Variants in SCMH1 observed in about 807,000 individuals in gnomAD.
SCMH1 encodes polycomb protein SCMH1.
In SCMH1, 37 loss-of-function variants were observed where a neutral mutation model predicts 70.8. The observed-to-expected ratio is 0.52, with a 90% CI of 0.40 to 0.69. The LOEUF (loss-of-function observed/expected upper bound fraction) is 0.69. Ranked by LOEUF, SCMH1 falls within the 30% of genes least tolerant of loss-of-function variation. SCMH1 has a pLI of 0.00. For missense variants in SCMH1, 607 were observed against 827.3 expected, an observed-to-expected ratio of 0.73 and a Z score of 3.27; for synonymous variants, 292 against 307.4, an observed-to-expected ratio of 0.95 and a Z score of 0.52.
chr1:41,028,082 CCTGAGGTGGCCCGGAACCCCA>C, exon 15 of SCMH1: 1 of 1,354,670 alleles, frequency 7.4e-7, no homozygotes, highest in South Asian at 1.3e-5. Context: ...CTCTTGGAGT[CCTGAGGTGGCCCGGAACCCCA>C]CTGAGGTGCC....
intron 9 of SCMH1, among the ~76,000 whole-genome samples, chr1:41,071,053 T>C (rs1316111478): frequency 6.6e-6 from 1 of 152,190 alleles, no homozygotes; most frequent in African/African-American, 2.4e-5. Context: ...AGTTTAAGTC[T>C]GCTTTGACAT....
chr1:41,040,244 T>C (rs1460275230), intron 12 of SCMH1, among the ~76,000 whole-genome samples: 1 of 152,218 alleles, frequency 6.6e-6, no homozygotes, highest in Non-Finnish European at 1.5e-5. Flanking sequence ...TTATGGTACA[T>C]GCAGAGGTAA....
intron 1 of SCMH1, among the ~76,000 whole-genome samples, chr1:41,215,332 C>T (rs911247434): frequency 2.6e-5 from 4 of 152,134 alleles, no homozygotes; most frequent in Non-Finnish European, 5.9e-5. Flanking sequence ...TAAAATCTTT[C>T]AATGGATCCA....
chr1:41,143,261 T>C (rs1241496276), intron 5 of SCMH1, 149 bp from the exon 6 acceptor site: 4 of 630,838 alleles, frequency 6.3e-6, no homozygotes, highest in Non-Finnish European at 1.1e-5. Context: ...AAAGAAACAA[T>C]GAAAGATAAG....
At chr1:41,109,524 T>C (rs1218227044) in intron 8 of SCMH1, among the ~76,000 whole-genome samples, 1 of 152,144 alleles carries the variant, frequency 6.6e-6, no homozygotes, top group Admixed American at 6.5e-5. Context: ...TGGCCAAACT[T>C]CTGCTGTTAT....
At chr1:41,085,440 C>T (rs1414422880) in intron 8 of SCMH1, among the ~76,000 whole-genome samples, 1 of 152,162 alleles carries the variant, frequency 6.6e-6, no homozygotes, top group African/African-American at 2.4e-5. Flanking sequence ...GAGGTATTCC[C>T]ACTAAGGTCA....
At chr1:41,034,860 G>A (rs1249093831) in intron 13 of SCMH1, among the ~76,000 whole-genome samples, 1 of 152,132 alleles carries the variant, frequency 6.6e-6, no homozygotes, top group East Asian at 1.9e-4. Flanking sequence ...AGATATCTGG[G>A]TTTCTGCCCC....
At chr1:41,163,007 C>G (rs1243250366) in intron 2 of SCMH1, 1 of 152,242 alleles carries the variant, frequency 6.6e-6, no homozygotes, top group Non-Finnish European at 1.5e-5. Context: ...CTGAAATATG[C>G]CCCCTGCTTG....
chr1:41,222,677 T>C (rs868775575), intron 1 of SCMH1, among the ~76,000 whole-genome samples: 1 of 152,148 alleles, frequency 6.6e-6, no homozygotes, highest in Non-Finnish European at 1.5e-5. Context: ...GGTATTACGG[T>C]CCACCAACAA....
intron 6 of SCMH1, among the ~76,000 whole-genome samples, chr1:41,135,346 C>A (rs1643110137): frequency 6.6e-6 from 1 of 152,132 alleles, no homozygotes; most frequent in Non-Finnish European, 1.5e-5. Flanking sequence ...ATAATCCCCA[C>A]ATATGATGAT....
Position 41,143,043 on chromosome 1 carries a change from T to C in SCMH1, c.247A>G (p.Thr83Ala), listed in dbSNP as rs1324789077. The change falls in exon 6 of 15, where the codon ACA (threonine) becomes GCA (alanine). Residue 83 changes from threonine (T) to alanine (A), a missense_variant. Thr to Ala is a moderately conservative substitution (Grantham distance 58). Transcript: ENST00000337495. ...ACTACTGTGGCAATACAGGTGGATGTGGTGTTCCTGGGGTCCTGTGCTTCC... is the reference window on the plus strand; with the variant it reads ...ACTACTGTGGCAATACAGGTGGATGCGGTGTTCCTGGGGTCCTGTGCTTCC... 3 of 1,614,064 alleles carry C rather than the reference T, an allele frequency of 1.9e-6. No homozygotes were observed. The African/African-American group carries it at 4.0e-5, about 22-fold the overall frequency.
intron 12 of SCMH1, among the ~76,000 whole-genome samples, chr1:41,040,430 G>A (rs932315651): frequency 3.9e-5 from 6 of 152,118 alleles, no homozygotes; most frequent in Admixed American, 2.6e-4. Context: ...GGAAGGCATC[G>A]TCCGGAGAAA....
chr1:41,173,658 C>A (rs528582641), intron 2 of SCMH1, among the ~76,000 whole-genome samples: 1 of 152,166 alleles, frequency 6.6e-6, no homozygotes, highest in African/African-American at 2.4e-5. Flanking sequence ...GAGTTATCTG[C>A]ACTCCCATGT....
At chr1:41,028,885 T>A (rs957663639) in intron 13 of SCMH1, among the ~76,000 whole-genome samples, 159 bp from the exon 15 acceptor site, 1 of 152,232 alleles carries the variant, frequency 6.6e-6, no homozygotes, top group Non-Finnish European at 1.5e-5. Context: ...GAAGCATTTC[T>A]TCACAAAGGG....
At chr1:41,055,660 G>A (rs908679895) in intron 10 of SCMH1, among the ~76,000 whole-genome samples, 7 of 152,334 alleles carry the variant, frequency 4.6e-5, no homozygotes, top group African/African-American at 1.7e-4. Flanking sequence ...AGTGACTGCT[G>A]CATGCCTTCA....
intron 8 of SCMH1, among the ~76,000 whole-genome samples, chr1:41,107,987 T>C (rs1668415002): frequency 1.3e-5 from 2 of 152,158 alleles, no homozygotes; most frequent in Non-Finnish European, 2.9e-5. Flanking sequence ...AGCATCAAAT[T>C]ATTACCCTCC....
chr1:41,046,318 G>T, intron 12 of SCMH1, 89 bp downstream of exon 12: 1 of 1,134,040 alleles, frequency 8.8e-7, no homozygotes, highest in Non-Finnish European at 1.3e-6. Context: ...TGCCAGGCCA[G>T]TAGTTCTGAA....
At chr1:41,176,600 T>G (rs989480973) in intron 2 of SCMH1, among the ~76,000 whole-genome samples, 1 of 152,180 alleles carries the variant, frequency 6.6e-6, no homozygotes, top group Non-Finnish European at 1.5e-5. Flanking sequence ...ACCAGGAGAT[T>G]ATATCCCGCG....
intron 10 of SCMH1, among the ~76,000 whole-genome samples, chr1:41,059,126 A>G (rs965497194): frequency 2.0e-5 from 3 of 152,194 alleles, no homozygotes; most frequent in Admixed American, 6.5e-5. Context: ...ATGGTGTTAC[A>G]TGGCTTAACC....
Sources: gnomAD v4.1 joint callset for allele counts (sites outside exome capture counted in the v4.1 genomes callset) on GRCh38, gnomAD v4.1.1 for gene constraint, MANE v1.5 for transcripts, NCBI Gene and HGNC (gene_info 2026-07-23, HGNC 2026-07-21) for gene names.